The following SOAT2 variants were observed in gnomAD, a reference collection of about 807,000 sequenced individuals.
SOAT2 encodes ACAT-2.
A neutral mutation model predicts 76.0 loss-of-function variants in SOAT2; 87 were observed. The observed-to-expected ratio is 1.14, with a 90% CI of 0.96 to 1.37. The LOEUF is 1.37. SOAT2 is among the 40% of genes most tolerant of loss of function. The pLI, the probability that SOAT2 is intolerant of heterozygous loss-of-function variation, is 0.00. For synonymous variants in SOAT2, 285 were observed against 275.4 expected (o/e 1.03, Z -0.34); for missense variants, 686 against 682.1 (o/e 1.01, Z -0.06).
chr12:53,111,832 T>G (rs1938016211), intron 5 of SOAT2, among the ~76,000 whole-genome samples: 1 of 152,250 alleles, frequency 6.6e-6, no homozygotes, highest in African/African-American at 2.4e-5. Context: ...AGTCTTTCCT[T>G]TTTTCTGTTA....
At chr12:53,116,252 C>A in intron 7 of SOAT2, 86 bp downstream of exon 7, 1 of 1,264,452 alleles carries the variant, frequency 7.9e-7, no homozygotes, top group Non-Finnish European at 1.1e-6. Context: ...TGATAAAAGT[C>A]CCTGCCTTCC....
chr12:53,118,244 C>CCCCCCCCTTT, intron 7 of SOAT2, 106 bp from the exon 8 acceptor site: 6 of 522,870 alleles, frequency 1.1e-5, no homozygotes, highest in South Asian at 4.1e-5. Context: ...CACCCCCACC[C>CCCCCCCCTTT]TATCCATTTC....
At chr12:53,121,192 A>G (rs1938183716) in intron 11 of SOAT2, 111 bp from the exon 12 acceptor site, 19 of 794,138 alleles carry the variant, frequency 2.4e-5, no homozygotes, top group South Asian at 1.9e-4. Context: ...GCCAGGAGCC[A>G]GCCCTTCTGG....
chr12:53,123,196 T>A lies in SOAT2; in HGVS notation c.1352T>A (p.Ile451Lys), dbSNP rs759396581. 1.9e-6 allele frequency: 3 copies of A among 1,614,018 alleles called. No individual in the cohort carries two copies. The South Asian group carries it at 3.3e-5, about 18-fold the overall frequency. ...GGGTTCTTCTATCCCGTCATGCTGA[T>A]ACTCTTCCTTGTCATTGGAGGTGAG... ...VLGFFYPVMLILFLVIGGMLN... is the reference protein window; with the variant it reads ...VLGFFYPVMLKLFLVIGGMLN... The change falls in exon 13 of 15, where the codon ATA becomes AAA. Residue 451 changes from isoleucine to lysine, a missense_variant. Ile to Lys is a moderately radical substitution (Grantham distance 102). Transcript: ENST00000301466.
chr12:53,122,532 C>T (rs1350872138), intron 12 of SOAT2, among the ~76,000 whole-genome samples: 8 of 151,380 alleles, frequency 5.3e-5, no homozygotes, highest in African/African-American at 2.0e-4. Context: ...GTGGTGATGA[C>T]TCTTAACCAG....
intron 12 of SOAT2, among the ~76,000 whole-genome samples, chr12:53,122,389 G>C (rs953682382): frequency 2.0e-5 from 3 of 147,002 alleles, no homozygotes; most frequent in Non-Finnish European, 3.0e-5. Context: ...CGCAGAGGGG[G>C]ATTTGGCAGG....
At chr12:53,105,787 A>G in intron 4 of SOAT2, 120 bp from the exon 5 acceptor site, 2 of 947,324 alleles carry the variant, frequency 2.1e-6, no homozygotes, top group Non-Finnish European at 1.6e-6. Flanking sequence ...TGTGGAAGAA[A>G]GGCCTTTAGC....
chr12:53,123,046 A>G (rs1730933191), intron 12 of SOAT2, 35 bp from the exon 13 acceptor site: 1 of 1,578,824 alleles, frequency 6.3e-7, no homozygotes, highest in South Asian at 1.1e-5. Context: ...GAGCTCAGGG[A>G]GACTTACTCT....
chr12:53,104,797 G>A (rs767587309), intron 2 of SOAT2, among the ~76,000 whole-genome samples: 13 of 150,876 alleles, frequency 8.6e-5, no homozygotes, highest in Non-Finnish European at 1.5e-4. Context: ...CCTGATCCTC[G>A]CTGCTGCCCC....
intron 5 of SOAT2, 94 bp downstream of exon 5, chr12:53,106,108 G>C: frequency 3.7e-6 from 3 of 804,374 alleles, no homozygotes; most frequent in South Asian, 1.5e-5. Flanking sequence ...AGAGGACACA[G>C]GTTCCCCCTT....
rs752668375 is a variant in SOAT2 at position 53,118,393 on chromosome 12, C to T, written c.822C>T (p.Phe274=). Residue 274 remains phenylalanine, a synonymous_variant, in exon 8 of 15, where the codon TTC becomes TTT. Coordinates refer to ENST00000301466, the MANE Select transcript of SOAT2 (RefSeq NM_003578.4). ...CCAGTTTCTCCAGCTACCTCTACTT[C>T]CTCTTCTGCCCAACACTCATCTACA... ...QAPSFSSYLY[F]LFCPTLIYRE... 23 of 1,613,708 alleles carry T rather than the reference C, an allele frequency of 1.4e-5. 1 individual carries two copies. The Admixed American group carries it at 3.8e-4, about 27-fold the overall frequency.
intron 5 of SOAT2, among the ~76,000 whole-genome samples, chr12:53,106,948 A>T (rs1042842375): frequency 3.3e-5 from 5 of 152,090 alleles, no homozygotes; most frequent in Non-Finnish European, 5.9e-5. Flanking sequence ...TCAGACCCCC[A>T]GCAAAACTTG....
chr12:53,115,401 AG>A lies in SOAT2; in HGVS notation c.456del (p.Glu152AspfsTer5). 5 of 1,606,052 alleles carry A rather than the reference AG, an allele frequency of 3.1e-6. No homozygotes were observed. Among genetic ancestry groups the A allele is most frequent in the Non-Finnish European group, 4.3e-6 (5 of 1,176,004 alleles). On this transcript the variant is annotated frameshift_variant, in exon 6 of 15. Coordinates refer to ENST00000301466, the MANE Select transcript of SOAT2 (RefSeq NM_003578.4). LOFTEE classifies it high-confidence loss of function. ...DFIDEGRLLL[E>X]FDLLIFSFGQ... ...TTCCCCACTCCAAGGCTGCTGCTGG[AG>A]TTTGACCTACTGATCTTCAGCTTCG... is the stretch of plus-strand genomic sequence containing the variant.
chr12:53,118,904 G>T lies in SOAT2; in HGVS notation c.878G>T (p.Arg293Met). The change falls in exon 9 of 15, where the codon AGG becomes ATG. Residue 293 changes from arginine to methionine, a missense_variant. Arg to Met is a moderately conservative substitution (Grantham distance 91, BLOSUM62 -1). Transcript: ENST00000301466. ...TGCCGCTGCAGGACGCCCTATGTCA[G>T]GTGGAATTATGTGGCCAAGAACTTT... ...RETYPRTPYVRWNYVAKNFAQ... is the reference protein window; with the variant it reads ...RETYPRTPYVMWNYVAKNFAQ... 6.2e-7 allele frequency: 1 copy of T among 1,614,188 alleles called. No individual in the cohort carries two copies. Among genetic ancestry groups the T allele is most frequent in the South Asian group, 1.1e-5 (1 of 91,086 alleles).
chr12:53,108,038 G>A (rs1172652027), intron 5 of SOAT2, among the ~76,000 whole-genome samples: 1 of 152,202 alleles, frequency 6.6e-6, no homozygotes, highest in African/African-American at 2.4e-5. Flanking sequence ...ATACAGTACA[G>A]CAAGAATAAT....
intron 12 of SOAT2, among the ~76,000 whole-genome samples, chr12:53,122,192 T>C (rs1185684378): frequency 6.8e-6 from 1 of 146,824 alleles, no homozygotes; most frequent in Non-Finnish European, 1.5e-5. Flanking sequence ...CCTGGCTTCC[T>C]TAAGGTGGGG....
At chr12:53,105,282 A>G (rs1328073589) in intron 3 of SOAT2, 39 bp downstream of exon 3, 1 of 1,584,558 alleles carries the variant, frequency 6.3e-7, no homozygotes, top group South Asian at 1.2e-5. Context: ...CCTCTGTAGC[A>G]AGGATCATGA....
At chr12:53,106,868 T>C (rs1937943139) in intron 5 of SOAT2, among the ~76,000 whole-genome samples, 1 of 152,210 alleles carries the variant, frequency 6.6e-6, no homozygotes, top group African/African-American at 2.4e-5. Flanking sequence ...TTAATCTAAA[T>C]GGGTCCAAGT....
chr12:53,121,733 T>G (rs1938192292), intron 12 of SOAT2, among the ~76,000 whole-genome samples: 1 of 143,698 alleles, frequency 7.0e-6, no homozygotes, highest in African/African-American at 2.6e-5. Flanking sequence ...CCCTGAGAAA[T>G]AAATATGATT....
Sources: allele counts gnomAD v4.1 joint callset (sites outside exome capture counted in the v4.1 genomes callset), GRCh38; gene constraint gnomAD v4.1.1; transcripts MANE v1.5; gene names NCBI Gene and HGNC (gene_info 2026-07-23, HGNC 2026-07-21).